CD1B: variants seen among roughly 807,000 people sequenced by gnomAD.
The protein encoded by CD1B is T-cell surface glycoprotein CD1b.
In CD1B, 43 loss-of-function variants were observed where a neutral mutation model predicts 39.8. The observed-to-expected ratio is 1.08, with a 90% CI of 0.85 to 1.39. CD1B has a LOEUF of 1.39. Among genes scored for constraint, CD1B ranks in the 40% most tolerant of loss-of-function variants. The probability of loss-of-function intolerance (pLI) is 0.00; values close to 1 mark genes in which losing one functional copy is unlikely to be tolerated. For missense variants in CD1B, 495 were observed against 403.8 expected, an observed-to-expected ratio of 1.23 and a Z score of -1.94; for synonymous variants, 192 against 152.5, an observed-to-expected ratio of 1.26 and a Z score of -1.91.
the CD1B span, among the ~76,000 whole-genome samples, chr1:158,315,611 T>C: frequency 1.1e-4 from 17 of 151,718 alleles, no homozygotes; most frequent in South Asian, 3.5e-3. Flanking sequence ...GTAGGTTGCC[T>C]GTTCACTCTG....
At chr1:158,298,449 C>T in the CD1B span, among the ~76,000 whole-genome samples, 3 of 152,062 alleles carry the variant, frequency 2.0e-5, no homozygotes, top group South Asian at 2.1e-4. Flanking sequence ...ATACATTCTT[C>T]CCATGCCTCC....
chr1:158,320,268 C>G, the CD1B span, among the ~76,000 whole-genome samples: 1 of 152,192 alleles, frequency 6.6e-6, no homozygotes, highest in Non-Finnish European at 1.5e-5. Flanking sequence ...TCACTGCCGC[C>G]TTGCAGTTTG....
chr1:158,306,018 A>C, the CD1B span, among the ~76,000 whole-genome samples: 1 of 152,236 alleles, frequency 6.6e-6, no homozygotes, highest in Non-Finnish European at 1.5e-5. Context: ...AAGAAACTGC[A>C]TCAACTAATG....
chr1:158,309,468 A>C, the CD1B span, among the ~76,000 whole-genome samples: 3 of 152,256 alleles, frequency 2.0e-5, no homozygotes, highest in Admixed American at 2.0e-4. Flanking sequence ...TGACCCAGCC[A>C]TCCCATTACT....
intron 5 of CD1B, among the ~76,000 whole-genome samples, chr1:158,328,528 GT>G (rs1411248163): frequency 6.6e-6 from 1 of 152,104 alleles, no homozygotes; most frequent in East Asian, 1.9e-4. Context: ...CTTATATAAG[GT>G]ACCTAGAATA....
the CD1B span, among the ~76,000 whole-genome samples, chr1:158,298,533 T>C: frequency 6.6e-6 from 1 of 152,184 alleles, no homozygotes; most frequent in Admixed American, 6.5e-5. Context: ...GATCAGGTAG[T>C]TTTTCCAATT....
chr1:158,327,043 TGC>T (rs1343340874), downstream of CD1B, among the ~76,000 whole-genome samples: 2 of 152,148 alleles, frequency 1.3e-5, no homozygotes, highest in African/African-American at 4.8e-5. Flanking sequence ...GTGATCCACC[TGC>T]CTCGGCCTCC....
the CD1B span, among the ~76,000 whole-genome samples, chr1:158,314,925 C>T: frequency 5.1e-4 from 75 of 147,038 alleles, no homozygotes; most frequent in East Asian, 1.0e-3. Context: ...TTTGTTCTTG[C>T]GATAGTTTAC....
the CD1B span, among the ~76,000 whole-genome samples, chr1:158,303,913 A>G: frequency 6.6e-6 from 1 of 152,188 alleles, no homozygotes; most frequent in Non-Finnish European, 1.5e-5. Flanking sequence ...TAGAATTTGA[A>G]AAAACTATTC....
the CD1B span, among the ~76,000 whole-genome samples, chr1:158,307,701 C>A: frequency 6.6e-6 from 1 of 152,128 alleles, no homozygotes; most frequent in East Asian, 1.9e-4. Context: ...TACTGGCAAA[C>A]CGAATTCAGC....
the CD1B span, among the ~76,000 whole-genome samples, chr1:158,286,350 T>A: frequency 1.3e-5 from 2 of 152,220 alleles, no homozygotes; most frequent in Non-Finnish European, 2.9e-5. Context: ...TATTTATAAG[T>A]ATTCACCAGT....
At chr1:158,304,795 G>C in the CD1B span, among the ~76,000 whole-genome samples, 161 of 152,288 alleles carry the variant, frequency 1.1e-3, 1 homozygote, top group Non-Finnish European at 1.7e-3. Flanking sequence ...CTGCTGTTCT[G>C]CAGCCTCTGC....
the CD1B span, among the ~76,000 whole-genome samples, chr1:158,308,659 C>A: frequency 6.6e-6 from 1 of 152,064 alleles, no homozygotes; most frequent in African/African-American, 2.4e-5. Context: ...CAGAACAGAG[C>A]CCTCAGAAAT....
At chr1:158,315,091 A>G in the CD1B span, among the ~76,000 whole-genome samples, 32 of 151,290 alleles carry the variant, frequency 2.1e-4, no homozygotes, top group South Asian at 6.3e-4. Context: ...AGTCTTTGCT[A>G]TTGTGAATAA....
Position 158,329,600 on chromosome 1 carries a change from C to A in CD1B, c.656G>T (p.Arg219Leu), listed in dbSNP as rs137886679. The change falls in exon 4 of 6, where the codon CGT becomes CTT. Residue 219 changes from arginine (R) to leucine (L), a missense_variant. Transcript: ENST00000368168. ...LSSGPSPGPG[R>L]LQLVCHVSGF... is the part of the protein sequence containing the mutation. ...TGAGACATGGCACACAAGCTGCAGA[C>A]GGCCAGGTCCAGGACTGGGGCCACT... 6 of 1,613,934 alleles carry A rather than the reference C, an allele frequency of 3.7e-6. No individual in the cohort carries two copies. Among genetic ancestry groups the A allele is most frequent in the African/African-American group, 1.3e-5 (1 of 74,874 alleles).
the CD1B span, among the ~76,000 whole-genome samples, chr1:158,294,391 C>T: frequency 6.6e-6 from 1 of 152,190 alleles, no homozygotes; most frequent in Non-Finnish European, 1.5e-5. Context: ...AGCTTCTAAA[C>T]TGGTGGTGGA....
the CD1B span, among the ~76,000 whole-genome samples, chr1:158,286,596 G>A: frequency 6.6e-6 from 1 of 152,184 alleles, no homozygotes; most frequent in Non-Finnish European, 1.5e-5. Context: ...ACACCGGCAG[G>A]GACTGTGGCT....
chr1:158,297,957 A>T, the CD1B span, among the ~76,000 whole-genome samples: 2 of 151,408 alleles, frequency 1.3e-5, no homozygotes, highest in Non-Finnish European at 2.9e-5. Context: ...GACAAAAAAA[A>T]AAAAAATAAA....
chr1:158,290,004 T>A, the CD1B span: 5 of 1,507,954 alleles, frequency 3.3e-6, no homozygotes, highest in South Asian at 5.7e-5. Flanking sequence ...GAGGGATAAG[T>A]TTGCTAAGAA....
Sources: gnomAD v4.1 joint callset for allele counts (sites outside exome capture counted in the v4.1 genomes callset) on GRCh38, gnomAD v4.1.1 for gene constraint, MANE v1.5 for transcripts, NCBI Gene and HGNC (gene_info 2026-07-23, HGNC 2026-07-21) for gene names.